CORIN: variants seen among roughly 807,000 people sequenced by gnomAD.
The protein encoded by CORIN is corin, serine peptidase, also known as atrial natriuretic peptide-converting enzyme.
CORIN carries 117 observed loss-of-function variants against 125.3 expected under a neutral mutation model. That is an observed-to-expected ratio of 0.93 (90% CI 0.80 to 1.09). The LOEUF (loss-of-function observed/expected upper bound fraction) is 1.09, where lower values mean the gene tolerates loss of function less well. CORIN is among the 50% of genes least tolerant of loss of function. CORIN has a pLI of 0.00. For missense variants in CORIN, 1,253 were observed against 1,306.7 expected (o/e 0.96, Z 0.63); for synonymous variants, 450 against 466.4 (o/e 0.96, Z 0.45).
chr4:47,763,636 T>A, intron 3 of CORIN, 50 bp from the exon 4 acceptor site: 1 of 1,486,642 alleles, frequency 6.7e-7, no homozygotes. Flanking sequence ...CAGAAGTATA[T>A]GTTTGCAAAC....
chr4:47,679,793 G>A (rs1168409672), intron 8 of CORIN: 1 of 188,208 alleles, frequency 5.3e-6, no homozygotes, highest in Non-Finnish European at 1.1e-5. Flanking sequence ...TGTATTGTTT[G>A]CAGAAGAAAG....
intron 19 of CORIN, among the ~76,000 whole-genome samples, chr4:47,622,717 T>A (rs967372960): frequency 1.3e-5 from 2 of 152,202 alleles, no homozygotes; most frequent in African/African-American, 4.8e-5. Flanking sequence ...AGGACTGACC[T>A]CTCCAGCAAG....
At chr4:47,825,502 A>G (rs933398658) in intron 1 of CORIN, among the ~76,000 whole-genome samples, 2 of 152,156 alleles carry the variant, frequency 1.3e-5, no homozygotes, top group African/African-American at 4.8e-5. Flanking sequence ...ATGCACACTA[A>G]AGTTCTAGGA....
chr4:47,702,721 T>C lies in CORIN; in HGVS notation c.800-9638A>G, dbSNP rs566399192. On this transcript the variant is annotated intron_variant, in intron 5 of 21. Transcript: ENST00000273857. ...TATTATGTATCCTGAGAACCAGAAATAGAAAAAAAACATACTTCTTTCAAA... is the reference window on the plus strand; with the variant it reads ...TATTATGTATCCTGAGAACCAGAAACAGAAAAAAAACATACTTCTTTCAAA... Among the ~76,000 whole-genome samples the C allele has an allele frequency of 9.2e-4, 139 of 151,738 alleles. 2 individuals carry two copies. The highest frequency in any genetic ancestry group is 3.4e-3 in the Middle Eastern group (1 of 294).
Position 47,803,784 on chromosome 4 carries a change from A to G in CORIN, c.208+3119T>C, listed in dbSNP as rs1187395502. Among the ~76,000 whole-genome samples the G allele has an allele frequency of 2.0e-5, 3 of 152,360 alleles. No homozygotes were observed. In the East Asian group the frequency reaches 5.8e-4, roughly 29 times the overall value. On this transcript the variant is annotated intron_variant, in intron 2 of 21. Coordinates refer to ENST00000273857, the MANE Select transcript of CORIN (RefSeq NM_006587.4). ...GAAAACATTGGGGAAACTTTAGGAC[A>G]TTGGTCTGAGCAAAAATTTCTTGAG...
chr4:47,760,703 AGGCACT>A (rs1286719280), intron 4 of CORIN, among the ~76,000 whole-genome samples: 1 of 152,246 alleles, frequency 6.6e-6, no homozygotes, highest in Non-Finnish European at 1.5e-5. Context: ...TTTTAAAGCC[AGGCACT>A]GACTTCTCTT....
At chr4:47,688,462 C>T (rs113028076) in intron 6 of CORIN, among the ~76,000 whole-genome samples, 6,068 of 152,084 alleles carry the variant, frequency 0.04, 158 homozygotes, top group Non-Finnish European at 0.06. Flanking sequence ...TCAGGCCTGG[C>T]GTGGTGGCTC....
chr4:47,698,802 C>G (rs1049250745), intron 5 of CORIN, among the ~76,000 whole-genome samples: 1 of 152,168 alleles, frequency 6.6e-6, no homozygotes. Context: ...ACATATACAA[C>G]AGTGGCCCCA....
intron 1 of CORIN, among the ~76,000 whole-genome samples, chr4:47,832,255 T>A (rs1247861031): frequency 6.6e-6 from 1 of 152,132 alleles, no homozygotes; most frequent in East Asian, 1.9e-4. Context: ...TGACTAATAC[T>A]CACTTGTCAG....
At chr4:47,718,778 C>G (rs929417265) in intron 5 of CORIN, among the ~76,000 whole-genome samples, 1 of 152,062 alleles carries the variant, frequency 6.6e-6, no homozygotes, top group Admixed American at 6.6e-5. Flanking sequence ...AAAACATGAG[C>G]GAGGAAGGAA....
At position 47,623,551 on chromosome 4, in the gene CORIN, A is replaced by G. The variant is rs766373399; in HGVS notation, c.2540+20T>C. ...AGTGATCAAATCCAGGCAAAGGAAA[A>G]AAGGAAAGGTGCAGCTTACCCCTCG... On this transcript the variant is annotated intron_variant, in intron 19 of 21. Transcript: ENST00000273857. 10 of 1,608,434 alleles carry G rather than the reference A, an allele frequency of 6.2e-6. No homozygotes were observed. The Admixed American group carries it at 8.4e-5, about 14-fold the overall frequency.
chr4:47,806,561 C>T (rs938966548), intron 2 of CORIN, among the ~76,000 whole-genome samples: 1 of 152,146 alleles, frequency 6.6e-6, no homozygotes, highest in Non-Finnish European at 1.5e-5. Flanking sequence ...ATCTTAAACA[C>T]GTGTTGCCTT....
chr4:47,666,078 C>T (rs1281976824), intron 10 of CORIN, among the ~76,000 whole-genome samples: 1 of 152,190 alleles, frequency 6.6e-6, no homozygotes, highest in Non-Finnish European at 1.5e-5. Flanking sequence ...CCTGGATTAA[C>T]CCTTTCCCAT....
At chr4:47,757,399 GC>G (rs1271803219) in intron 4 of CORIN, among the ~76,000 whole-genome samples, 1 of 152,022 alleles carries the variant, frequency 6.6e-6, no homozygotes, top group African/African-American at 2.4e-5. Context: ...TTCGAGACCA[GC>G]CTGGCCAATA....
intron 19 of CORIN, among the ~76,000 whole-genome samples, chr4:47,622,519 C>G (rs1472930275): frequency 6.6e-6 from 1 of 151,168 alleles, no homozygotes; most frequent in Non-Finnish European, 1.5e-5. Context: ...CTGTTGTTTC[C>G]TGACTTTTTA....
chr4:47,784,376 C>T (rs1442046869), intron 3 of CORIN, among the ~76,000 whole-genome samples: 1 of 152,108 alleles, frequency 6.6e-6, no homozygotes, highest in Non-Finnish European at 1.5e-5. Flanking sequence ...GGGTTTTGGC[C>T]TTTCTCCATT....
Position 47,595,430 on chromosome 4 carries a change from C to T in CORIN, c.*291G>A. 1 of 214,220 alleles carries T rather than the reference C, an allele frequency of 4.7e-6. No individual in the cohort carries two copies. Among genetic ancestry groups the T allele is most frequent in the East Asian group, 1.0e-4 (1 of 9,600 alleles). The allele number at this position is 214,220 out of a possible 1,614,324, so 13.3% of individuals were successfully genotyped here. On this transcript the variant is annotated 3_prime_UTR_variant, in exon 22 of 22. Coordinates refer to ENST00000273857, the MANE Select transcript of CORIN (RefSeq NM_006587.4). ...TGTAGCACCTGATTTTAAATCTCGC[C>T]AGAGTCGATAATTTTGTGCTGCAGT...
At position 47,603,488 on chromosome 4, in the gene CORIN, G is replaced by C. The variant is rs61759670; in HGVS notation, c.2721C>G (p.Tyr907Ter). The C allele has an allele frequency of 6.2e-7, 1 of 1,613,984 alleles. No individual in the cohort carries two copies. Among genetic ancestry groups the C allele is most frequent in the African/African-American group, 1.3e-5 (1 of 74,926 alleles). The change falls in exon 20 of 22, where the codon TAC becomes TAG. Residue 907 changes from tyrosine to a stop codon, truncating the protein, a stop_gained. Transcript: ENST00000273857. LOFTEE classifies it high-confidence loss of function. ...ELSEDISETGYVRPVCLPNPE... is the reference protein window; with the variant it reads ...ELSEDISETG Reference sequence around the variant, plus strand: ...GGTTGGGCAAGCAGACAGGCCGGACGTAGCCAGTCTCACTGATGTCTTCAC... The same window carrying C: ...GGTTGGGCAAGCAGACAGGCCGGACCTAGCCAGTCTCACTGATGTCTTCAC...
intron 4 of CORIN, among the ~76,000 whole-genome samples, chr4:47,748,336 C>T (rs1161711610): frequency 6.6e-6 from 1 of 152,198 alleles, no homozygotes; most frequent in Non-Finnish European, 1.5e-5. Context: ...TTTAAAACAG[C>T]TCTGCACAGG....
Sources: allele counts gnomAD v4.1 joint callset (sites outside exome capture counted in the v4.1 genomes callset), GRCh38; gene constraint gnomAD v4.1.1; transcripts MANE v1.5; gene names NCBI Gene and HGNC (gene_info 2026-07-23, HGNC 2026-07-21).